Variants in LCOR observed in about 807,000 individuals in gnomAD.
LCOR encodes the protein ligand dependent nuclear receptor corepressor.
In LCOR, 14 loss-of-function variants were observed where a neutral mutation model predicts 64.4. That is an observed-to-expected ratio of 0.22 (90% confidence interval 0.14 to 0.34). The LOEUF (loss-of-function observed/expected upper bound fraction) is 0.34, where lower values mean the gene tolerates loss of function less well. Among genes scored for constraint, LCOR ranks in the 10% least tolerant of loss-of-function variants. The pLI, the probability that LCOR is intolerant of heterozygous loss-of-function variation, is 1.00. For missense variants in LCOR, 1,686 were observed against 1,765.3 expected (o/e 0.96, Z 0.80); for synonymous variants, 643 against 642.5 (o/e 1.00, Z -0.01).
At chr10:96,869,332 C>T (rs11188955) in intron 2 of LCOR, among the ~76,000 whole-genome samples, 21,423 of 152,028 alleles carry the variant, frequency 0.14, 2,078 homozygotes, top group African/African-American at 0.27. Context: ...TGTGCCTCAG[C>T]CTCCTGAGTA....
At chr10:96,845,756 C>T (rs1207741715) in intron 2 of LCOR, among the ~76,000 whole-genome samples, 6 of 151,190 alleles carry the variant, frequency 4.0e-5, no homozygotes, top group Non-Finnish European at 4.4e-5. Flanking sequence ...TGTGAGCCAC[C>T]GCACCCGGCC....
chr10:96,838,588 T>C (rs1845486317), intron 2 of LCOR, among the ~76,000 whole-genome samples: 1 of 152,266 alleles, frequency 6.6e-6, no homozygotes. Context: ...AATATATGGC[T>C]TTTTGTGCCT....
rs372022917 is a variant in LCOR at position 96,920,440 on chromosome 10, ATGTG to A, written c.-184+12695_-184+12698del. On this transcript the variant is annotated intron_variant, in intron 4 of 7. Transcript: ENST00000421806. ...TATATATTCATATATATGTGTATAT[ATGTG>A]TATATATATGTATATTCATATATGT... Among the ~76,000 whole-genome samples, 25 of 30,424 alleles carry A rather than the reference ATGTG, an allele frequency of 8.2e-4. 1 individual carries two copies. Among genetic ancestry groups the A allele is most frequent in the Middle Eastern group, 0.024 (1 of 42 alleles). The allele number at this position is 30,424 out of a possible 152,430, so 20.0% of individuals were successfully genotyped here. A position where few individuals can be genotyped will look rare whatever the true frequency, so the allele number is the denominator to read the frequency against.
At chr10:96,835,170 A>G (rs1274235932) in intron 2 of LCOR, among the ~76,000 whole-genome samples, 3 of 152,110 alleles carry the variant, frequency 2.0e-5, no homozygotes, top group Admixed American at 6.5e-5. Flanking sequence ...AAGTGCTGAA[A>G]TTTACAGGCG....
intron 4 of LCOR, among the ~76,000 whole-genome samples, chr10:96,936,115 C>T (rs1269427791): frequency 6.6e-6 from 1 of 152,270 alleles, no homozygotes; most frequent in African/African-American, 2.4e-5. Flanking sequence ...TAAGAGCCCT[C>T]CTGGGGTTGG....
chr10:96,936,522 A>C (rs1350392304), intron 4 of LCOR, among the ~76,000 whole-genome samples: 1 of 152,252 alleles, frequency 6.6e-6, no homozygotes, highest in African/African-American at 2.4e-5. Flanking sequence ...TCAAGTTACT[A>C]ATCACAAATG....
At chr10:96,899,844 T>C (rs1846603545) in intron 2 of LCOR, among the ~76,000 whole-genome samples, 1 of 152,138 alleles carries the variant, frequency 6.6e-6, no homozygotes, top group Non-Finnish European at 1.5e-5. Context: ...CAAGGCTGGC[T>C]CTAATAGGCC....
chr10:96,843,535 A>G (rs989091215), intron 2 of LCOR, among the ~76,000 whole-genome samples: 8 of 152,332 alleles, frequency 5.3e-5, no homozygotes, highest in African/African-American at 1.9e-4. Flanking sequence ...GTATTTATCA[A>G]AGCTAGAAAG....
rs751712472 is a variant in LCOR, at chr10:96,984,029, C to T, written c.3569C>T (p.Thr1190Ile). 6.2e-7 allele frequency: 1 copy of T among 1,614,006 alleles called. No homozygotes were observed. Among genetic ancestry groups the T allele is most frequent in the South Asian group, 1.1e-5 (1 of 91,024 alleles). ...AATGTTTGTAAATGGTTCTTAGAGA[C>T]AACTGAAACCCGGTCTCTAGTCATT... ...LSNVCKWFLE[T>I]TETRSLVIVK... The change falls in exon 8 of 8, where the codon ACA (threonine) becomes ATA (isoleucine). Residue 1190 changes from threonine to isoleucine, a missense_variant. Coordinates refer to ENST00000421806, the MANE Select transcript of LCOR (RefSeq NM_001346516.2).
chr10:96,930,800 T>C (rs1025405509), intron 4 of LCOR, among the ~76,000 whole-genome samples: 2 of 152,172 alleles, frequency 1.3e-5, no homozygotes, highest in Non-Finnish European at 2.9e-5. Context: ...AGGGTTAGGC[T>C]AGCTTACTTG....
chr10:96,951,458 A>AT lies in LCOR; in HGVS notation c.239-638dup, dbSNP rs982458695. Among the ~76,000 whole-genome samples the AT allele has an allele frequency of 2.0e-5, 3 of 152,158 alleles. No individual in the cohort carries two copies. The East Asian group carries it at 5.8e-4, about 29-fold the overall frequency. ...CAATTGAATTTTGAATCTCTGCAAA[A>AT]TTTTTTTAAAGGATTGAATATAAGT... is the stretch of plus-strand genomic sequence containing the variant. On this transcript the variant is annotated intron_variant, in intron 6 of 7. Transcript: ENST00000421806.
At chr10:96,851,608 G>A (rs1845722730) in intron 2 of LCOR, among the ~76,000 whole-genome samples, 1 of 152,172 alleles carries the variant, frequency 6.6e-6, no homozygotes, top group South Asian at 2.1e-4. Flanking sequence ...TTCTAAGACA[G>A]AAAATGTTGT....
At chr10:96,943,528 C>T (rs1847534635) in intron 4 of LCOR, among the ~76,000 whole-genome samples, 1 of 152,188 alleles carries the variant, frequency 6.6e-6, no homozygotes, top group Non-Finnish European at 1.5e-5. Context: ...CTTTTGACCA[C>T]TTAATCAATT....
At chr10:96,866,378 T>C (rs1313856415) in intron 2 of LCOR, among the ~76,000 whole-genome samples, 2 of 152,234 alleles carry the variant, frequency 1.3e-5, no homozygotes, top group African/African-American at 4.8e-5. Flanking sequence ...CTTGTACGGC[T>C]ATACCTCAGT....
At chr10:96,904,051 T>A (rs1846687009) in intron 2 of LCOR, among the ~76,000 whole-genome samples, 1 of 152,204 alleles carries the variant, frequency 6.6e-6, no homozygotes, top group South Asian at 2.1e-4. Context: ...GACTTTTATT[T>A]AAAATCAAGC....
intron 2 of LCOR, among the ~76,000 whole-genome samples, chr10:96,848,999 T>C (rs1247401682): frequency 3.7e-5 from 5 of 135,388 alleles, no homozygotes; most frequent in Non-Finnish European, 7.9e-5. Flanking sequence ...TAAGTGTATA[T>C]GAGTTGAAAA....
chr10:96,869,067 A>C (rs1300137728), intron 2 of LCOR, among the ~76,000 whole-genome samples: 2 of 152,014 alleles, frequency 1.3e-5, no homozygotes, highest in Non-Finnish European at 2.9e-5. Flanking sequence ...CATCATGCCC[A>C]GCTAATTTTT....
intron 2 of LCOR, among the ~76,000 whole-genome samples, chr10:96,844,013 G>A (rs897072390): frequency 5.9e-5 from 9 of 151,956 alleles, no homozygotes; most frequent in Admixed American, 2.6e-4. Context: ...GATTTGATTC[G>A]TAATCACTCA....
intron 2 of LCOR, among the ~76,000 whole-genome samples, chr10:96,892,066 G>C (rs190292074): frequency 6.6e-6 from 1 of 152,274 alleles, no homozygotes; most frequent in East Asian, 1.9e-4. Flanking sequence ...TGTGTATTCT[G>C]CTCGTGTTGG....
Sources: allele counts gnomAD v4.1 joint callset (sites outside exome capture counted in the v4.1 genomes callset), GRCh38; gene constraint gnomAD v4.1.1; transcripts MANE v1.5; gene names NCBI Gene and HGNC (gene_info 2026-07-23, HGNC 2026-07-21).